The following CDH20 variants were observed in gnomAD, a reference collection of about 807,000 sequenced individuals.
CDH20 encodes the protein cadherin 20, also known as cadherin-20.
In CDH20, 29 loss-of-function variants were observed where a neutral mutation model predicts 74.2. The ratio of observed to expected loss-of-function variants is 0.39; its 90% CI spans 0.29 to 0.53. CDH20 has a LOEUF of 0.53. Among genes scored for constraint, CDH20 ranks in the 20% least tolerant of loss-of-function variants. The probability of loss-of-function intolerance (pLI) is 0.69; values close to 1 mark genes in which losing one functional copy is unlikely to be tolerated. For missense variants in CDH20, 988 were observed against 1,048.3 expected, an observed-to-expected ratio of 0.94 and a Z score of 0.79; for synonymous variants, 469 against 405.4, an observed-to-expected ratio of 1.16 and a Z score of -1.88.
intron 1 of CDH20, among the ~76,000 whole-genome samples, chr18:61,440,838 G>A (rs1388202995): frequency 6.6e-6 from 1 of 152,102 alleles, no homozygotes; most frequent in East Asian, 1.9e-4. Context: ...TCTAAGCTTG[G>A]AACTTCTGCA....
At chr18:61,446,389 C>G (rs116966169) in intron 1 of CDH20, among the ~76,000 whole-genome samples, 81 of 152,248 alleles carry the variant, frequency 5.3e-4, no homozygotes, top group Non-Finnish European at 8.7e-4. Context: ...TCTCACCGCT[C>G]TCACTACCTT....
At chr18:61,398,861 A>T (rs946099460) in intron 1 of CDH20, among the ~76,000 whole-genome samples, 2 of 152,210 alleles carry the variant, frequency 1.3e-5, no homozygotes, top group Non-Finnish European at 2.9e-5. Flanking sequence ...GGATATATTT[A>T]CTGTGGGAAG....
At chr18:61,454,522 G>C (rs1278427410) in intron 1 of CDH20, among the ~76,000 whole-genome samples, 2 of 152,136 alleles carry the variant, frequency 1.3e-5, no homozygotes, top group Admixed American at 1.3e-4. Flanking sequence ...ACTGAAATAA[G>C]AAAGTCTCAA....
chr18:61,448,610 A>G (rs576015001), intron 1 of CDH20, among the ~76,000 whole-genome samples: 1 of 152,312 alleles, frequency 6.6e-6, no homozygotes, highest in Non-Finnish European at 1.5e-5. Flanking sequence ...CCTTCCCTGA[A>G]TCGAGCTGAA....
Position 61,555,531 on chromosome 18 carries a change from T to C in CDH20, c.*836T>C. 2.0e-6 allele frequency: 2 copies of C among 985,296 alleles called. No homozygotes were observed. Among genetic ancestry groups the C allele is most frequent in the Non-Finnish European group, 2.4e-6 (2 of 829,900 alleles). 61.0% of individuals were successfully genotyped at this position (985,296 alleles called of 1,614,324 possible). A position where few individuals can be genotyped will look rare whatever the true frequency, so the allele number is the denominator to read the frequency against. ...TTAGATGCTACAAATGAAAGCCAAA[T>C]AAAAAAGAAGTATCTGACAAAAGCA... On this transcript the variant is annotated 3_prime_UTR_variant, in exon 12 of 12. Coordinates refer to ENST00000262717, the MANE Select transcript of CDH20 (RefSeq NM_031891.4).
intron 1 of CDH20, among the ~76,000 whole-genome samples, chr18:61,467,436 A>G (rs1482291179): frequency 3.3e-5 from 5 of 152,144 alleles, no homozygotes; most frequent in Admixed American, 2.0e-4. Flanking sequence ...TTTATGTCTC[A>G]TTACTAACAA....
At chr18:61,449,384 A>C (rs941471183) in intron 1 of CDH20, among the ~76,000 whole-genome samples, 4 of 152,074 alleles carry the variant, frequency 2.6e-5, no homozygotes, top group African/African-American at 9.7e-5. Flanking sequence ...TTGTAGCTAA[A>C]TATGATCTGT....
intron 1 of CDH20, among the ~76,000 whole-genome samples, chr18:61,460,944 T>A (rs1348086758): frequency 6.6e-6 from 1 of 152,230 alleles, no homozygotes. Flanking sequence ...AGTCAGAATC[T>A]TATTTAGAAT....
intron 5 of CDH20, 44 bp downstream of exon 5, chr18:61,503,164 G>C (rs1911444843): frequency 5.5e-6 from 8 of 1,462,002 alleles, no homozygotes; most frequent in Non-Finnish European, 7.3e-6. Context: ...GGCCCAGAGG[G>C]ACGCACCCGT....
At chr18:61,477,678 ATATAT>A (rs568751906) in intron 1 of CDH20, among the ~76,000 whole-genome samples, 142 of 152,258 alleles carry the variant, frequency 9.3e-4, no homozygotes, top group African/African-American at 3.2e-3. Flanking sequence ...AAATTAAAAT[ATATAT>A]TATAATTAGC....
chr18:61,340,395 T>C (rs1351984663), intron 1 of CDH20, among the ~76,000 whole-genome samples: 1 of 151,848 alleles, frequency 6.6e-6, no homozygotes, highest in African/African-American at 2.4e-5. Flanking sequence ...CCAGAGAGGG[T>C]TGTTTACTAG....
At chr18:61,387,548 G>A (rs371975126) in intron 1 of CDH20, among the ~76,000 whole-genome samples, 34 of 152,246 alleles carry the variant, frequency 2.2e-4, no homozygotes, top group Admixed American at 9.2e-4. Context: ...CATTAAAGTC[G>A]GCTAAATTTT....
In CDH20 at chr18:61,432,607, G is replaced by A. The variant is rs77208299; in HGVS notation, c.-152-57795G>A. On this transcript the variant is annotated intron_variant, in intron 1 of 11. Coordinates refer to ENST00000262717, the MANE Select transcript of CDH20 (RefSeq NM_031891.4). ...AGAGGTCCCTTTCCCAAACCCTTGT[G>A]TTTTGAAGGGCATTTTCCTCTGCTC... Among the ~76,000 whole-genome samples the A allele has an allele frequency of 6.6e-3, 1,007 of 152,244 alleles. 12 individuals are homozygous for A. Among genetic ancestry groups the A allele is most frequent in the African/African-American group, 0.023 (939 of 41,544 alleles).
intron 6 of CDH20, among the ~76,000 whole-genome samples, chr18:61,512,630 G>C (rs932443864): frequency 1.3e-5 from 2 of 152,088 alleles, no homozygotes; most frequent in Non-Finnish European, 2.9e-5. Context: ...AATAAATCTT[G>C]TTTCAATGCC....
intron 1 of CDH20, among the ~76,000 whole-genome samples, chr18:61,438,278 T>C (rs1020074307): frequency 2.0e-5 from 3 of 152,136 alleles, no homozygotes; most frequent in African/African-American, 7.2e-5. Flanking sequence ...ATTTCTTCTC[T>C]GGCATCATGT....
intron 1 of CDH20, among the ~76,000 whole-genome samples, chr18:61,416,622 C>T (rs770650785): frequency 5.9e-5 from 9 of 152,148 alleles, no homozygotes; most frequent in African/African-American, 1.4e-4. Context: ...AGAAAGTGTG[C>T]GTGCCCTAGA....
At chr18:61,361,598 T>C (rs1381650641) in intron 1 of CDH20, among the ~76,000 whole-genome samples, 2 of 152,144 alleles carry the variant, frequency 1.3e-5, no homozygotes, top group Non-Finnish European at 2.9e-5. Flanking sequence ...AGAAGAATCA[T>C]AAGAGGTCAC....
intron 10 of CDH20, 150 bp from the exon 11 acceptor site, chr18:61,549,828 C>T: frequency 2.6e-6 from 2 of 779,212 alleles, no homozygotes; most frequent in Non-Finnish European, 4.0e-6. Flanking sequence ...AAATGCTGAT[C>T]CAGGCAAACC....
chr18:61,541,926 C>G (rs952108739), intron 9 of CDH20, among the ~76,000 whole-genome samples: 1 of 152,184 alleles, frequency 6.6e-6, no homozygotes, highest in African/African-American at 2.4e-5. Flanking sequence ...GCTGGGAGAA[C>G]AGAGAGCAGG....
Sources: gnomAD v4.1 joint callset for allele counts (sites outside exome capture counted in the v4.1 genomes callset) on GRCh38, gnomAD v4.1.1 for gene constraint, MANE v1.5 for transcripts, NCBI Gene and HGNC (gene_info 2026-07-23, HGNC 2026-07-21) for gene names.